PBX1: variants seen among roughly 807,000 people sequenced by gnomAD.
PBX1 encodes the protein PBX homeobox 1.
PBX1 carries 6 observed loss-of-function variants against 53.4 expected under a neutral mutation model. The ratio of observed to expected loss-of-function variants is 0.11; its 90% confidence interval spans 0.06 to 0.22. The LOEUF (loss-of-function observed/expected upper bound fraction) is 0.22. Among genes scored for constraint, PBX1 ranks in the 10% least tolerant of loss-of-function variants. The pLI is 1.00. For synonymous variants in PBX1, 204 were observed against 212.3 expected, an observed-to-expected ratio of 0.96 and a Z score of 0.34; for missense variants, 251 against 551.4, an observed-to-expected ratio of 0.46 and a Z score of 5.46.
At chr1:164,796,404 C>G (rs79807839) in intron 3 of PBX1, among the ~76,000 whole-genome samples, 38 of 152,152 alleles carry the variant, frequency 2.5e-4, no homozygotes, top group Non-Finnish European at 4.7e-4. Context: ...AAAAAATTAT[C>G]TTGTGGCTTT....
intron 2 of PBX1, among the ~76,000 whole-genome samples, chr1:164,723,298 G>C (rs915250051): frequency 5.9e-5 from 9 of 152,164 alleles, no homozygotes; most frequent in Non-Finnish European, 1.3e-4. Flanking sequence ...GCACAGTGCA[G>C]AGGAGTTTCT....
intron 2 of PBX1, among the ~76,000 whole-genome samples, chr1:164,564,303 A>G (rs1288836205): frequency 6.6e-6 from 1 of 152,106 alleles, no homozygotes; most frequent in East Asian, 1.9e-4. Flanking sequence ...ACAGTCAATA[A>G]TTCATATCTA....
chr1:164,759,084 C>T (rs188116838), intron 2 of PBX1, among the ~76,000 whole-genome samples: 1 of 152,272 alleles, frequency 6.6e-6, no homozygotes, highest in East Asian at 1.9e-4. Flanking sequence ...GACTGGGCTG[C>T]ATGCACTATA....
chr1:164,582,503 A>G (rs1440056440), intron 2 of PBX1, among the ~76,000 whole-genome samples: 1 of 151,560 alleles, frequency 6.6e-6, no homozygotes, highest in Non-Finnish European at 1.5e-5. Context: ...GCTCACTGCA[A>G]CCTCTGCCTC....
At chr1:164,688,549 A>G (rs933308679) in intron 2 of PBX1, among the ~76,000 whole-genome samples, 2 of 152,172 alleles carry the variant, frequency 1.3e-5, no homozygotes, top group South Asian at 4.1e-4. Flanking sequence ...AAAGTCTGCC[A>G]CATACATTTC....
intron 2 of PBX1, among the ~76,000 whole-genome samples, chr1:164,663,164 G>T (rs1193820959): frequency 1.4e-4 from 21 of 151,770 alleles, no homozygotes; most frequent in Non-Finnish European, 2.8e-4. Flanking sequence ...TTGCCTGCCT[G>T]CCTTCCTTCC....
chr1:164,796,649 TA>T (rs1488144464), intron 3 of PBX1, among the ~76,000 whole-genome samples: 1 of 152,238 alleles, frequency 6.6e-6, no homozygotes, highest in Non-Finnish European at 1.5e-5. Flanking sequence ...GATGTAAACT[TA>T]AACCTTATAC....
At position 164,696,892 on chromosome 1, in the gene PBX1, G is replaced by C. The variant is rs143091572; in HGVS notation, c.266-95602G>C. ...GGAGGTCAGAGTTTATTGAGTGACAGTGGACCAGAATAAAATTATAGTGGA... is the reference window on the plus strand; with the variant it reads ...GGAGGTCAGAGTTTATTGAGTGACACTGGACCAGAATAAAATTATAGTGGA... On this transcript the variant is annotated intron_variant, in intron 2 of 8. Coordinates refer to ENST00000420696, the MANE Select transcript of PBX1 (RefSeq NM_002585.4). Among the ~76,000 whole-genome samples, 154 of 152,274 alleles carry C rather than the reference G, an allele frequency of 1.0e-3. 1 individual carries two copies. Among genetic ancestry groups the C allele is most frequent in the East Asian group, 7.7e-3 (40 of 5,184 alleles).
At position 164,794,663 on chromosome 1, in the gene PBX1, C is replaced by T. The variant is rs575149254; in HGVS notation, c.510+1925C>T. On this transcript the variant is annotated intron_variant, in intron 3 of 8. Transcript: ENST00000420696. ...AACCATGACCATCATTTAGAATTTG[C>T]AGTCTGCTCTAACCTAAAAGGGTAA... Among the ~76,000 whole-genome samples, 4 of 152,196 alleles carry T rather than the reference C, an allele frequency of 2.6e-5. No homozygotes were observed. The East Asian group carries it at 7.7e-4, about 29-fold the overall frequency.
intron 2 of PBX1, among the ~76,000 whole-genome samples, chr1:164,726,141 G>A (rs1024337428): frequency 6.6e-6 from 1 of 152,186 alleles, no homozygotes; most frequent in Non-Finnish European, 1.5e-5. Context: ...TAGCTATAGT[G>A]GAATGATCAG....
rs953237794 is a variant in PBX1, at chr1:164,703,583, G to A, written c.266-88911G>A. ...AGCCTGAACTCATTTCAGCTGAGAC[G>A]ACCAGTTAGCCAACAGCCCAGGCGT... On this transcript the variant is annotated intron_variant, in intron 2 of 8. Coordinates refer to ENST00000420696, the MANE Select transcript of PBX1 (RefSeq NM_002585.4). Among the ~76,000 whole-genome samples, 9 of 152,300 alleles carry A rather than the reference G, an allele frequency of 5.9e-5. No homozygotes were observed. The East Asian group carries it at 9.6e-4, about 16-fold the overall frequency.
intron 2 of PBX1, among the ~76,000 whole-genome samples, chr1:164,574,963 C>A (rs897295122): frequency 1.3e-5 from 2 of 151,190 alleles, no homozygotes; most frequent in Non-Finnish European, 2.9e-5. Context: ...GCCTGGGCAA[C>A]AGAGTGAGAC....
intron 2 of PBX1, among the ~76,000 whole-genome samples, chr1:164,705,140 C>T (rs918845348): frequency 2.0e-5 from 3 of 152,156 alleles, no homozygotes; most frequent in Non-Finnish European, 4.4e-5. Flanking sequence ...GCATTCCTGG[C>T]TTCCACCCAT....
At chr1:164,734,066 G>A (rs1665141113) in intron 2 of PBX1, among the ~76,000 whole-genome samples, 1 of 152,154 alleles carries the variant, frequency 6.6e-6, no homozygotes, top group South Asian at 2.1e-4. Flanking sequence ...TGTGTGCTCT[G>A]TATTTTTCAC....
intron 2 of PBX1, among the ~76,000 whole-genome samples, chr1:164,633,128 A>C (rs1658515793): frequency 1.3e-5 from 2 of 151,858 alleles, no homozygotes; most frequent in African/African-American, 2.4e-5. Flanking sequence ...TCTTTTCTTC[A>C]CAACCATCTC....
At chr1:164,812,361 G>A (rs768065764) in intron 6 of PBX1, among the ~76,000 whole-genome samples, 4 of 152,140 alleles carry the variant, frequency 2.6e-5, no homozygotes, top group Non-Finnish European at 5.9e-5. Flanking sequence ...TGGGTTGTCT[G>A]GAGGTTTGCA....
chr1:164,585,863 C>T (rs373233805), intron 2 of PBX1, among the ~76,000 whole-genome samples: 1 of 152,128 alleles, frequency 6.6e-6, no homozygotes, highest in African/African-American at 2.4e-5. Flanking sequence ...AAACAAGAAC[C>T]CCCTTCCTTT....
intron 2 of PBX1, among the ~76,000 whole-genome samples, chr1:164,664,022 T>C (rs1178056308): frequency 2.6e-5 from 4 of 152,196 alleles, no homozygotes; most frequent in African/African-American, 9.7e-5. Flanking sequence ...AAAGGCTGGA[T>C]TGTCAGTCAG....
chr1:164,858,477 AC>A (rs1158659671), intron 2 of PBX1, among the ~76,000 whole-genome samples: 52 of 146,436 alleles, frequency 3.6e-4, no homozygotes, highest in African/African-American at 1.2e-3. Flanking sequence ...ACACACACAC[AC>A]GCTGTGGCTG....
Sources: gnomAD v4.1 joint callset for allele counts (sites outside exome capture counted in the v4.1 genomes callset) on GRCh38, gnomAD v4.1.1 for gene constraint, MANE v1.5 for transcripts, NCBI Gene and HGNC (gene_info 2026-07-23, HGNC 2026-07-21) for gene names.